NFATC2: variants seen among roughly 807,000 people sequenced by gnomAD.
The protein encoded by NFATC2 is nuclear factor of activated T-cells, cytoplasmic 2.
NFATC2 carries 22 observed loss-of-function variants against 87.3 expected under a neutral mutation model. The observed-to-expected ratio is 0.25, with a 90% CI of 0.18 to 0.36. The LOEUF is 0.36. Ranked by LOEUF, NFATC2 falls within the 10% of genes least tolerant of loss-of-function variation. The probability of loss-of-function intolerance (pLI) is 1.00; values close to 1 mark genes in which losing one functional copy is unlikely to be tolerated. For synonymous variants in NFATC2, 565 were observed against 542.2 expected, an observed-to-expected ratio of 1.04 and a Z score of -0.58; for missense variants, 1,149 against 1,259.1, an observed-to-expected ratio of 0.91 and a Z score of 1.32.
intron 9 of NFATC2, among the ~76,000 whole-genome samples, chr20:51,409,634 T>G (rs952409555): frequency 3.3e-5 from 5 of 152,152 alleles, no homozygotes; most frequent in Admixed American, 6.5e-5. Flanking sequence ...GGGACAGTCT[T>G]GCCAAAAGCA....
rs749429223 is a variant in NFATC2 at position 51,435,758 on chromosome 20, C to G, written c.1853G>C (p.Gly618Ala). 1 of 1,601,776 alleles carries G rather than the reference C, an allele frequency of 6.2e-7. No individual in the cohort carries two copies. Among genetic ancestry groups the G allele is most frequent in the Non-Finnish European group, 8.5e-7 (1 of 1,173,316 alleles). The change falls in exon 7 of 11, where the codon GGA becomes GCA. Residue 618 changes from glycine (G) to alanine (A), a missense_variant. Gly to Ala is a moderately conservative substitution (Grantham distance 60). Around this residue, in one of 3 missense-constraint regions of NFATC2, gnomAD observed 581 missense variants for 649.7 expected, o/e 0.89. Coordinates refer to ENST00000371564, the MANE Select transcript of NFATC2 (RefSeq NM_012340.5). ...GGCTTCCATCTCCCAAATTTGCTGT[C>G]CATCTAGAAAAATTCAAAAATGACA... is the stretch of plus-strand genomic sequence containing the variant. ...KVVFTEKTTDGQQIWEMEATV... is the reference protein window; with the variant it reads ...KVVFTEKTTDAQQIWEMEATV...
chr20:51,529,188 T>TA (rs1485521488), intron 1 of NFATC2, among the ~76,000 whole-genome samples: 2 of 152,160 alleles, frequency 1.3e-5, no homozygotes. Context: ...AACTGCACTG[T>TA]ATCTTATCAG....
rs2076511872 is a variant in NFATC2 at position 51,524,543 on chromosome 20, C to T, written c.131-433G>A. Among the ~76,000 whole-genome samples the T allele has an allele frequency of 6.6e-6, 1 of 152,154 alleles. No individual in the cohort carries two copies. The highest frequency in any genetic ancestry group is 2.4e-5 in the African/African-American group (1 of 41,426). ...TCAACGCTGGTCACGACCCATTAGA[C>T]GGATCCCCTAACCCGTCTGCGCGGT... On this transcript the variant is annotated intron_variant, in intron 1 of 10. Coordinates refer to ENST00000371564, the MANE Select transcript of NFATC2 (RefSeq NM_012340.5). This position sits in a 1 kb window ranked among gnomAD's most constrained non-coding sequence, Gnocchi z 4.0.
chr20:51,468,275 A>G (rs1987873512), intron 5 of NFATC2, among the ~76,000 whole-genome samples: 1 of 151,866 alleles, frequency 6.6e-6, no homozygotes, highest in South Asian at 2.1e-4. Flanking sequence ...ATCACTGAAC[A>G]CCTACAATCT....
At chr20:51,406,313 G>A (rs2146257574) in intron 9 of NFATC2, among the ~76,000 whole-genome samples, 1 of 152,334 alleles carries the variant, frequency 6.6e-6, no homozygotes, top group Admixed American at 6.5e-5. Context: ...TGGTCCTTGG[G>A]AGACCCTAGC....
intron 7 of NFATC2, 56 bp downstream of exon 7, chr20:51,435,650 T>C (rs1983449408): frequency 1.9e-6 from 3 of 1,552,350 alleles, no homozygotes; most frequent in South Asian, 1.2e-5. Context: ...GGAAAGAGCA[T>C]GAAAGAGGGA....
chr20:51,517,032 C>T lies in NFATC2; in HGVS notation c.1161-77G>A, dbSNP rs1376334860. The T allele has an allele frequency of 5.7e-6, 8 of 1,409,966 alleles. No individual in the cohort carries two copies. In the African/African-American group the frequency reaches 1.1e-4, roughly 20 times the overall value. The allele number at this position is 1,409,966 out of a possible 1,614,324, so 87.3% of individuals were successfully genotyped here. On this transcript the variant is annotated intron_variant, in intron 2 of 10. Coordinates refer to ENST00000371564, the MANE Select transcript of NFATC2 (RefSeq NM_012340.5). ...ACTTGTACAATAATTGTAAACGGCC[C>T]TTTCTGAAAATCATGGATACAGTCA... is the stretch of plus-strand genomic sequence containing the variant.
At chr20:51,511,787 A>C (rs889257696) in intron 3 of NFATC2, among the ~76,000 whole-genome samples, 4 of 152,248 alleles carry the variant, frequency 2.6e-5, no homozygotes, top group African/African-American at 7.2e-5. Flanking sequence ...AACTTCTTCT[A>C]ATCTAGTCCC....
chr20:51,452,360 AGG>A (rs1320562747), intron 6 of NFATC2, among the ~76,000 whole-genome samples: 2 of 152,052 alleles, frequency 1.3e-5, no homozygotes, highest in Admixed American at 6.6e-5. Flanking sequence ...GCCACCTTTA[AGG>A]GATGTGGCTC....
chr20:51,398,496 A>C (rs993473276), intron 10 of NFATC2, 147 bp downstream of exon 10: 2 of 559,606 alleles, frequency 3.6e-6, no homozygotes, highest in Non-Finnish European at 6.3e-6. Context: ...TCAGGAGTGG[A>C]GGGGTCTAGC....
chr20:51,447,495 G>A (rs1985216494), intron 6 of NFATC2, among the ~76,000 whole-genome samples: 1 of 152,224 alleles, frequency 6.6e-6, no homozygotes, highest in African/African-American at 2.4e-5. Flanking sequence ...TGTGTCATGT[G>A]AAGGAACCTT....
chr20:51,467,168 T>G (rs1366480203), intron 5 of NFATC2, among the ~76,000 whole-genome samples: 3 of 151,834 alleles, frequency 2.0e-5, no homozygotes, highest in Non-Finnish European at 4.4e-5. Flanking sequence ...AAAGGACTTA[T>G]GTCCAGAATA....
intron 5 of NFATC2, among the ~76,000 whole-genome samples, chr20:51,472,689 G>A (rs1988341139): frequency 6.9e-6 from 1 of 144,530 alleles, no homozygotes; most frequent in Non-Finnish European, 1.5e-5. Flanking sequence ...AGGCTGGAGG[G>A]CAGTGGTGCG....
At position 51,474,092 on chromosome 20, in the gene NFATC2, C is replaced by T; in HGVS notation, c.1596G>A (p.Glu532=). ...GCGTGTTCTTTCTTCCAATGTCCGTCTCGCCTTTCCGCAGCTCAATGTCGG... is the reference window on the plus strand; with the variant it reads ...GCGTGTTCTTTCTTCCAATGTCCGTTTCGCCTTTCCGCAGCTCAATGTCGG... The part of the protein sequence containing the change: ...RNADIELRKG[E]TDIGRKNTRV... The change falls in exon 5 of 11, where the codon GAG becomes GAA. Residue 532 remains glutamate (E), a synonymous_variant. Coordinates refer to ENST00000371564, the MANE Select transcript of NFATC2 (RefSeq NM_012340.5). 6.2e-7 allele frequency: 1 copy of T among 1,614,240 alleles called. No homozygotes were observed. Among genetic ancestry groups the T allele is most frequent in the South Asian group, 1.1e-5 (1 of 91,090 alleles).
intron 6 of NFATC2, among the ~76,000 whole-genome samples, chr20:51,436,409 T>TA (rs397808807): frequency 3.0e-4 from 45 of 149,630 alleles, no homozygotes; most frequent in African/African-American, 9.6e-4. Flanking sequence ...TTTTTTTTTT[T>TA]AAAAAGGCAT....
chr20:51,400,683 A>G (rs1004192762), intron 9 of NFATC2, among the ~76,000 whole-genome samples: 5 of 151,960 alleles, frequency 3.3e-5, no homozygotes, highest in African/African-American at 7.3e-5. Context: ...CCCGAAATCA[A>G]CTCGGGACCA....
intron 1 of NFATC2, among the ~76,000 whole-genome samples, chr20:51,551,529 A>G (rs750650863): frequency 1.3e-5 from 2 of 150,026 alleles, no homozygotes; most frequent in Non-Finnish European, 3.0e-5. Flanking sequence ...TCAGCCTCCT[A>G]GTAGCTGGGG....
intron 3 of NFATC2, among the ~76,000 whole-genome samples, chr20:51,500,708 CCGCACCTCT>C (rs2146624409): frequency 1.3e-5 from 1 of 76,696 alleles, no homozygotes. Flanking sequence ...ACTCACCACC[CCGCACCTCT>C]ACCCTCGCCC....
rs1982874080 is a variant in NFATC2 at position 51,432,407 on chromosome 20, G to A, written c.2382C>T (p.Ser794=). 1 of 1,599,066 alleles carries A rather than the reference G, an allele frequency of 6.3e-7. No homozygotes were observed. Among genetic ancestry groups the A allele is most frequent in the African/African-American group, 1.3e-5 (1 of 74,720 alleles). The change falls in exon 9 of 11, where the codon AGC becomes AGT. Residue 794 remains serine (S), a synonymous_variant. Coordinates refer to ENST00000371564, the MANE Select transcript of NFATC2 (RefSeq NM_012340.5). This position sits in a 1 kb window ranked among gnomAD's most constrained non-coding sequence, Gnocchi z 4.6. ...TCGGAGAGGGGTGGAGCAGGGCTGA[G>A]CTCTGGCCCTGGGAGCCGGCGTGCA... is the stretch of plus-strand genomic sequence containing the variant. ...VLVHAGSQGQ[S]SALLHPSPTN...
Sources: allele counts gnomAD v4.1 joint callset (sites outside exome capture counted in the v4.1 genomes callset), GRCh38; gene constraint gnomAD v4.1.1; regional missense constraint gnomAD v4.1.1; non-coding constraint Gnocchi (gnomAD v3.1); transcripts MANE v1.5; gene names NCBI Gene and HGNC (gene_info 2026-07-23, HGNC 2026-07-21).